PREX1: variants seen among roughly 807,000 people sequenced by gnomAD.
PREX1 encodes phosphatidylinositol 3,4,5-trisphosphate-dependent Rac exchanger 1 protein.
PREX1 carries 41 observed loss-of-function variants against 198.3 expected under a neutral mutation model. The observed-to-expected ratio is 0.21, with a 90% CI of 0.16 to 0.27. PREX1 has a LOEUF of 0.27. Ranked by LOEUF, PREX1 falls within the 10% of genes least tolerant of loss-of-function variation. The probability of loss-of-function intolerance (pLI) is 1.00; values close to 1 mark genes in which losing one functional copy is unlikely to be tolerated. For missense variants in PREX1, 1,620 were observed against 2,200.7 expected (o/e 0.74, Z 5.28); for synonymous variants, 843 against 887.2 (o/e 0.95, Z 0.89).
intron 1 of PREX1, among the ~76,000 whole-genome samples, chr20:48,794,960 A>G (rs1291847238): frequency 6.6e-6 from 1 of 152,202 alleles, no homozygotes; most frequent in Non-Finnish European, 1.5e-5. Context: ...ACAGTTCCCA[A>G]TGTATTGAAA....
At chr20:48,855,428 C>G in the PREX1 span, among the ~76,000 whole-genome samples, 120 of 152,254 alleles carry the variant, frequency 7.9e-4, no homozygotes, top group Non-Finnish European at 1.5e-3. Flanking sequence ...TGAAATTCCT[C>G]TTTCAAGGTT....
chr20:48,639,402 G>A (rs2122852383), intron 30 of PREX1, among the ~76,000 whole-genome samples: 1 of 152,358 alleles, frequency 6.6e-6, no homozygotes, highest in Non-Finnish European at 1.5e-5. Context: ...CTGCCAGCCG[G>A]TGTCCCTCAT....
chr20:48,857,486 G>A, the PREX1 span, among the ~76,000 whole-genome samples: 2 of 152,136 alleles, frequency 1.3e-5, no homozygotes, highest in Admixed American at 6.5e-5. Flanking sequence ...GTTTGAACCT[G>A]CAATGAGCTA....
chr20:48,718,660 T>G (rs77102994), intron 5 of PREX1, among the ~76,000 whole-genome samples: 1 of 152,138 alleles, frequency 6.6e-6, no homozygotes, highest in African/African-American at 2.4e-5. Context: ...AGTCTAAGGA[T>G]TCAGATAGGT....
intron 6 of PREX1, among the ~76,000 whole-genome samples, chr20:48,704,271 A>G (rs1206100015): frequency 6.6e-6 from 1 of 152,130 alleles, no homozygotes; most frequent in Non-Finnish European, 1.5e-5. Flanking sequence ...TTCGAAGACA[A>G]CCTGAAGATT....
the PREX1 span, among the ~76,000 whole-genome samples, chr20:48,869,314 T>C: frequency 6.6e-6 from 1 of 151,908 alleles, no homozygotes; most frequent in South Asian, 2.1e-4. Flanking sequence ...TTGTTTTTTT[T>C]TTTAGACGGG....
chr20:48,685,461 T>G (rs571444786), intron 10 of PREX1, among the ~76,000 whole-genome samples: 27 of 152,372 alleles, frequency 1.8e-4, no homozygotes, highest in African/African-American at 6.5e-4. Context: ...TCACGTGTTC[T>G]CTCACTGTAT....
chr20:48,650,006 G>T lies in PREX1; in HGVS notation c.3018C>A (p.Asp1006Glu). The change falls in exon 24 of 40, where the codon GAC becomes GAA. Residue 1006 changes from aspartate to glutamate, a missense_variant. Asp to Glu is a conservative substitution (Grantham distance 45). Around this residue, in one of 7 missense-constraint regions of PREX1, gnomAD observed 514 missense variants for 611.6 expected, o/e 0.84. Coordinates refer to ENST00000371941, the MANE Select transcript of PREX1 (RefSeq NM_020820.4). ...FGRKPSLIGL[D>E]PEQGHLNPMS... is the part of the protein sequence containing the mutation. ...GACACACACAGGTACCTTGCTCCGG[G>T]TCAAGGCCGATGAGGGAGGGTTTGC... The T allele has an allele frequency of 3.1e-6, 5 of 1,614,062 alleles. No homozygotes were observed. Among genetic ancestry groups the T allele is most frequent in the Non-Finnish European group, 4.2e-6 (5 of 1,179,962 alleles).
At chr20:48,718,943 T>C (rs1223900925) in intron 5 of PREX1, among the ~76,000 whole-genome samples, 1 of 152,226 alleles carries the variant, frequency 6.6e-6, no homozygotes, top group Admixed American at 6.5e-5. Context: ...TTAATAAGCA[T>C]AAAAACCATT....
chr20:48,736,084 T>C (rs2090055879), intron 3 of PREX1, among the ~76,000 whole-genome samples: 1 of 152,086 alleles, frequency 6.6e-6, no homozygotes, highest in Admixed American at 6.5e-5. Flanking sequence ...CTTCAACACT[T>C]AGGATGCTGG....
At chr20:48,786,332 G>T (rs955284401) in intron 1 of PREX1, among the ~76,000 whole-genome samples, 2 of 152,124 alleles carry the variant, frequency 1.3e-5, no homozygotes, top group African/African-American at 4.8e-5. Flanking sequence ...TACCCTTGGG[G>T]ACCCATCCTA....
chr20:48,778,567 G>T (rs1443505025), intron 1 of PREX1, among the ~76,000 whole-genome samples: 1 of 152,108 alleles, frequency 6.6e-6, no homozygotes. Flanking sequence ...TCCAGCCTGG[G>T]TGACAGAGTG....
intron 5 of PREX1, among the ~76,000 whole-genome samples, chr20:48,716,813 TGG>T (rs1161091050): frequency 6.6e-6 from 1 of 151,540 alleles, no homozygotes; most frequent in Non-Finnish European, 1.5e-5. Context: ...TCTCCCTGGG[TGG>T]GTACACTGGT....
chr20:48,720,439 A>G (rs931319169), intron 5 of PREX1, among the ~76,000 whole-genome samples: 4 of 152,132 alleles, frequency 2.6e-5, no homozygotes, highest in African/African-American at 9.7e-5. Context: ...CAGTTGCTCA[A>G]TAAATAGGTG....
chr20:48,865,878 G>A, the PREX1 span, among the ~76,000 whole-genome samples: 1 of 152,104 alleles, frequency 6.6e-6, no homozygotes, highest in Non-Finnish European at 1.5e-5. Context: ...TTACCTCTGG[G>A]CACTGGGAAA....
chr20:48,647,957 G>C (rs1185492646), intron 25 of PREX1, among the ~76,000 whole-genome samples: 1 of 152,192 alleles, frequency 6.6e-6, no homozygotes, highest in Non-Finnish European at 1.5e-5. Context: ...CCAGGCTGGA[G>C]TGCAGTGGTG....
chr20:48,732,799 GGGA>G (rs1386350823), intron 4 of PREX1, among the ~76,000 whole-genome samples: 3 of 152,146 alleles, frequency 2.0e-5, no homozygotes, highest in Non-Finnish European at 4.4e-5. Context: ...GGGACGTGAG[GGGA>G]GGAGATGTGT....
chr20:48,695,975 C>A (rs935149176), intron 7 of PREX1, among the ~76,000 whole-genome samples: 1 of 152,222 alleles, frequency 6.6e-6, no homozygotes, highest in Admixed American at 6.5e-5. Flanking sequence ...AGTCTGGCTA[C>A]AGAAGGGCCT....
rs906202280 is a variant in PREX1 at position 48,666,544 on chromosome 20, G to A, written c.1666-189C>T. On this transcript the variant is annotated intron_variant, in intron 14 of 39. Coordinates refer to ENST00000371941, the MANE Select transcript of PREX1 (RefSeq NM_020820.4). This position sits in a 1 kb window ranked among gnomAD's most constrained non-coding sequence, Gnocchi z 4.3. ...TTTTTATTATTATTATTATTTTTTT[G>A]AGACAGAGTCTCACTCTATCGCCCA... is the stretch of plus-strand genomic sequence containing the variant. Among the ~76,000 whole-genome samples the A allele has an allele frequency of 3.3e-5, 5 of 151,850 alleles. No homozygotes were observed. The highest frequency in any genetic ancestry group is 1.2e-4 in the African/African-American group (5 of 41,334).
Sources: allele counts gnomAD v4.1 joint callset (sites outside exome capture counted in the v4.1 genomes callset), GRCh38; gene constraint gnomAD v4.1.1; regional missense constraint gnomAD v4.1.1; non-coding constraint Gnocchi (gnomAD v3.1); transcripts MANE v1.5; gene names NCBI Gene and HGNC (gene_info 2026-07-23, HGNC 2026-07-21).